The following SLC39A12 variants were observed in gnomAD, a reference collection of about 807,000 sequenced individuals.
The protein encoded by SLC39A12 is solute carrier family 39 member 12.
A neutral mutation model predicts 71.1 loss-of-function variants in SLC39A12; 63 were observed. The observed-to-expected ratio is 0.89, with a 90% confidence interval of 0.72 to 1.09. SLC39A12 has a LOEUF of 1.09. Ranked by LOEUF, SLC39A12 falls within the 50% of genes least tolerant of loss-of-function variation. The probability of loss-of-function intolerance (pLI) is 0.00; values close to 1 mark genes in which losing one functional copy is unlikely to be tolerated. For synonymous variants in SLC39A12, 351 were observed against 301.3 expected, an observed-to-expected ratio of 1.16 and a Z score of -1.71; for missense variants, 892 against 812.6, an observed-to-expected ratio of 1.10 and a Z score of -1.19.
intron 2 of SLC39A12, among the ~76,000 whole-genome samples, chr10:17,960,857 A>ACCATGTAATC (rs2130777990): frequency 6.6e-6 from 1 of 152,338 alleles, no homozygotes. Flanking sequence ...CTTAATTTTT[A>ACCATGTAATC]AAAATTTTGA....
chr10:17,952,489 TTC>T (rs1491537967), intron 1 of SLC39A12, among the ~76,000 whole-genome samples: 1 of 136,294 alleles, frequency 7.3e-6, no homozygotes, highest in Admixed American at 7.8e-5. Context: ...TTTTTCTTTT[TTC>T]TTTTTTTTTT....
At chr10:17,992,661 G>A (rs1470935633) in intron 8 of SLC39A12, among the ~76,000 whole-genome samples, 4 of 152,216 alleles carry the variant, frequency 2.6e-5, no homozygotes, top group Non-Finnish European at 5.9e-5. Context: ...TAGAAATCCA[G>A]TGTGGTAATG....
intron 3 of SLC39A12, among the ~76,000 whole-genome samples, chr10:17,963,608 G>C (rs578202602): frequency 2.0e-5 from 3 of 152,282 alleles, no homozygotes; most frequent in East Asian, 3.9e-4. Context: ...TTCCTGGGAA[G>C]GGTCCATGAG....
rs755887032 is a variant in SLC39A12, at chr10:18,042,736, G to A, written c.1979G>A (p.Arg660Gln). Reference protein sequence around the residue: ...LPEMTHVQTQRPWMMFLLQNF... With the variant: ...LPEMTHVQTQQPWMMFLLQNF... ...GAAATGACTCATGTTCAAACACAAC[G>A]ACCCTGGATGATGTTTCTCCTGCAA... The change falls in exon 13 of 13, where the codon CGA becomes CAA. Residue 660 changes from arginine (R) to glutamine (Q), a missense_variant. Coordinates refer to ENST00000377369, the MANE Select transcript of SLC39A12 (RefSeq NM_001145195.2). 3.1e-6 allele frequency: 5 copies of A among 1,611,258 alleles called. No individual in the cohort carries two copies. The highest frequency in any genetic ancestry group is 1.3e-5 in the African/African-American group (1 of 74,620).
chr10:18,039,987 G>A (rs948947039), intron 12 of SLC39A12, among the ~76,000 whole-genome samples: 3 of 152,208 alleles, frequency 2.0e-5, no homozygotes, highest in African/African-American at 4.8e-5. Flanking sequence ...AGGAGGAAAC[G>A]GGGAAAGTTT....
chr10:18,040,785 A>T (rs1001516637), intron 12 of SLC39A12, among the ~76,000 whole-genome samples: 1 of 151,910 alleles, frequency 6.6e-6, no homozygotes, highest in Admixed American at 6.6e-5. Flanking sequence ...AAAAAAAAAA[A>T]AGTGTCAAGC....
chr10:17,957,918 C>T (rs1180674356), intron 2 of SLC39A12, among the ~76,000 whole-genome samples: 1 of 152,180 alleles, frequency 6.6e-6, no homozygotes, highest in Admixed American at 6.5e-5. Flanking sequence ...TTTGATTTAG[C>T]AGGCCTCAAA....
At chr10:17,961,933 A>T in intron 3 of SLC39A12, 71 bp downstream of exon 3, 1 of 1,460,846 alleles carries the variant, frequency 6.8e-7, no homozygotes, top group Non-Finnish European at 9.2e-7. Flanking sequence ...TTTGTTCCTT[A>T]TTTATTTCTA....
chr10:17,954,912 T>C (rs1264282088), intron 2 of SLC39A12, among the ~76,000 whole-genome samples: 1 of 152,202 alleles, frequency 6.6e-6, no homozygotes, highest in Admixed American at 6.5e-5. Flanking sequence ...TTTTCTCTGC[T>C]TTGTGTGAGC....
chr10:18,036,792 A>ATTTTTTTTTTTT (rs1176352939), intron 12 of SLC39A12, among the ~76,000 whole-genome samples: 2 of 84,648 alleles, frequency 2.4e-5, no homozygotes, highest in African/African-American at 9.6e-5. Context: ...ATATATATAT[A>ATTTTTTTTTTTT]TATTTTTTTT....
intron 12 of SLC39A12, among the ~76,000 whole-genome samples, chr10:18,020,256 A>G (rs1836495043): frequency 1.3e-5 from 2 of 152,136 alleles, no homozygotes; most frequent in South Asian, 4.2e-4. Context: ...CACTTAGGAT[A>G]ACGGCCACCA....
At chr10:17,988,456 A>G (rs917069460) in intron 7 of SLC39A12, among the ~76,000 whole-genome samples, 1 of 152,118 alleles carries the variant, frequency 6.6e-6, no homozygotes, top group Non-Finnish European at 1.5e-5. Context: ...AAGCTTCCTG[A>G]GGCCCATATC....
At chr10:17,981,137 A>G (rs1391312538) in intron 5 of SLC39A12, among the ~76,000 whole-genome samples, 175 bp from the exon 6 acceptor site, 3 of 152,202 alleles carry the variant, frequency 2.0e-5, no homozygotes, top group Non-Finnish European at 4.4e-5. Context: ...GAGATTTAAG[A>G]CATCCTTAGG....
chr10:17,989,505 C>A lies in SLC39A12; in HGVS notation c.1270-1646C>A, dbSNP rs138408235. Reference sequence around the variant, plus strand: ...GCTCTCAGGTCAGCCTGAGTCTCCCCCAGTGAGGGAGCCCACAGCGAAGGT... The same window carrying A: ...GCTCTCAGGTCAGCCTGAGTCTCCCACAGTGAGGGAGCCCACAGCGAAGGT... On this transcript the variant is annotated intron_variant, in intron 7 of 12. Transcript: ENST00000377369. Among the ~76,000 whole-genome samples, 1,049 of 152,292 alleles carry A rather than the reference C, an allele frequency of 6.9e-3. 14 individuals are homozygous for A. The highest frequency in any genetic ancestry group is 0.024 in the African/African-American group (998 of 41,566).
At position 17,990,935 on chromosome 10, in the gene SLC39A12, T is replaced by C. The variant is rs1246090370; in HGVS notation, c.1270-216T>C. Among the ~76,000 whole-genome samples, 6 of 152,318 alleles carry C rather than the reference T, an allele frequency of 3.9e-5. No homozygotes were observed. The East Asian group carries it at 7.7e-4, about 20-fold the overall frequency. ...CAAAGCTCTCTTTTGTTTTTTATTG[T>C]ACACAATTTATTTGACCCTGATTGA... On this transcript the variant is annotated intron_variant, in intron 7 of 12. Coordinates refer to ENST00000377369, the MANE Select transcript of SLC39A12 (RefSeq NM_001145195.2).
At chr10:18,011,448 T>A (rs954293897) in intron 12 of SLC39A12, among the ~76,000 whole-genome samples, 2 of 152,358 alleles carry the variant, frequency 1.3e-5, no homozygotes, top group Admixed American at 6.5e-5. Flanking sequence ...GTAAGAATAC[T>A]GTATATAATA....
intron 4 of SLC39A12, among the ~76,000 whole-genome samples, chr10:17,972,363 T>G (rs1834997323): frequency 1.3e-5 from 2 of 152,134 alleles, no homozygotes; most frequent in Admixed American, 6.5e-5. Context: ...GGTTGTATAG[T>G]GCAGATGAAG....
At chr10:17,997,081 A>ATTT (rs1291217707) in intron 10 of SLC39A12, among the ~76,000 whole-genome samples, 1 of 152,012 alleles carries the variant, frequency 6.6e-6, no homozygotes, top group Non-Finnish European at 1.5e-5. Context: ...TGCACCAACA[A>ATTT]TTTTTTTGTG....
chr10:18,037,132 A>G (rs1308121350), intron 12 of SLC39A12, among the ~76,000 whole-genome samples: 3 of 151,938 alleles, frequency 2.0e-5, no homozygotes, highest in African/African-American at 2.4e-5. Context: ...TTTTTGGACC[A>G]TTTGATTTTC....
Sources: allele counts gnomAD v4.1 joint callset (sites outside exome capture counted in the v4.1 genomes callset), GRCh38; gene constraint gnomAD v4.1.1; transcripts MANE v1.5; gene names NCBI Gene and HGNC (gene_info 2026-07-23, HGNC 2026-07-21).